SARNP: variants seen among roughly 807,000 people sequenced by gnomAD.
SARNP encodes the protein SAP domain containing ribonucleoprotein.
Under a neutral mutation model 38.1 loss-of-function variants are expected in SARNP, and 5 were observed. The ratio of observed to expected loss-of-function variants is 0.13; its 90% CI spans 0.07 to 0.28. SARNP has a LOEUF of 0.28. Ranked by LOEUF, SARNP falls within the 10% of genes least tolerant of loss-of-function variation. The probability of loss-of-function intolerance (pLI) is 1.00; values close to 1 mark genes in which losing one functional copy is unlikely to be tolerated. For synonymous variants in SARNP, 84 were observed against 80.6 expected, an observed-to-expected ratio of 1.04 and a Z score of -0.23; for missense variants, 180 against 243.9, an observed-to-expected ratio of 0.74 and a Z score of 1.75.
At chr12:55,790,843 T>C (rs1311469624) in intron 7 of SARNP, among the ~76,000 whole-genome samples, 2 of 152,208 alleles carry the variant, frequency 1.3e-5, no homozygotes, top group Non-Finnish European at 2.9e-5. Context: ...ATTCCACTGC[T>C]AGCTATACAG....
chr12:55,803,809 G>GA (rs1880056719), intron 1 of SARNP, 81 bp from the exon 2 acceptor site: 6 of 884,392 alleles, frequency 6.8e-6, no homozygotes, highest in Admixed American at 4.8e-5. Context: ...ACAAGGAAAA[G>GA]AAAAAAAGAA....
chr12:55,806,763 C>A (rs1880157418), intron 1 of SARNP, among the ~76,000 whole-genome samples: 1 of 152,162 alleles, frequency 6.6e-6, no homozygotes, highest in African/African-American at 2.4e-5. Context: ...TGGTCTCGAA[C>A]TCCTGACCTT....
At chr12:55,769,561 T>C (rs1383300431) in intron 9 of SARNP, among the ~76,000 whole-genome samples, 4 of 152,232 alleles carry the variant, frequency 2.6e-5, no homozygotes. Flanking sequence ...AGTGCAACTG[T>C]GCTTTCCCTT....
chr12:55,813,146 A>C (rs1880380006), intron 1 of SARNP, among the ~76,000 whole-genome samples: 2 of 152,136 alleles, frequency 1.3e-5, no homozygotes, highest in African/African-American at 4.8e-5. Flanking sequence ...GGGTTTCACC[A>C]TATTGGTCAG....
rs190737525 is a variant in SARNP, at chr12:55,808,904, C to T, written c.37-5176G>A. Among the ~76,000 whole-genome samples, 7 of 152,290 alleles carry T rather than the reference C, an allele frequency of 4.6e-5. No individual in the cohort carries two copies. The Middle Eastern group carries it at 0.01, about 222-fold the overall frequency. ...CTTAAAATAGGAACTAACATAAAAT[C>T]TTATCCCATTTTTCTAAATTGATTT... On this transcript the variant is annotated intron_variant, in intron 1 of 10. Transcript: ENST00000336133.
chr12:55,801,473 G>A (rs568434107), intron 2 of SARNP, among the ~76,000 whole-genome samples: 1 of 152,130 alleles, frequency 6.6e-6, no homozygotes, highest in East Asian at 1.9e-4. Flanking sequence ...ATGTGGAAAA[G>A]TATCTTTGAG....
chr12:55,807,425 CT>C (rs1880181750), intron 1 of SARNP, among the ~76,000 whole-genome samples: 1 of 151,944 alleles, frequency 6.6e-6, no homozygotes, highest in Non-Finnish European at 1.5e-5. Context: ...ATTCCAGCCC[CT>C]TGTGAGGCCA....
chr12:55,792,065 T>C (rs548118529), intron 7 of SARNP, among the ~76,000 whole-genome samples: 1 of 152,252 alleles, frequency 6.6e-6, no homozygotes, highest in South Asian at 2.1e-4. Context: ...AAGTCCAGCC[T>C]GGGCAATATA....
chr12:55,795,925 T>C, intron 5 of SARNP, 100 bp downstream of exon 5: 1 of 850,282 alleles, frequency 1.2e-6, no homozygotes, highest in Non-Finnish European at 1.9e-6. Flanking sequence ...ATACTGATTT[T>C]CTGCCTGTGA....
intron 9 of SARNP, among the ~76,000 whole-genome samples, chr12:55,762,217 G>T (rs1427913683): frequency 6.6e-6 from 1 of 152,138 alleles, no homozygotes; most frequent in East Asian, 1.9e-4. Flanking sequence ...AACCCAGGAG[G>T]CGGAGGTTAC....
intron 9 of SARNP, among the ~76,000 whole-genome samples, chr12:55,766,021 T>C (rs1195075421): frequency 6.6e-6 from 1 of 152,102 alleles, no homozygotes; most frequent in African/African-American, 2.4e-5. Flanking sequence ...CTGAGGGAAA[T>C]TACCTCGATC....
intron 1 of SARNP, among the ~76,000 whole-genome samples, chr12:55,809,952 T>C (rs1163358569): frequency 6.6e-6 from 1 of 152,144 alleles, no homozygotes; most frequent in Non-Finnish European, 1.5e-5. Context: ...ATATACTCTT[T>C]TGTGAACTTG....
intron 1 of SARNP, among the ~76,000 whole-genome samples, chr12:55,812,459 T>C (rs1443471278): frequency 6.6e-6 from 1 of 152,252 alleles, no homozygotes; most frequent in Non-Finnish European, 1.5e-5. Flanking sequence ...GCACCCACAG[T>C]AACTGGGACA....
intron 1 of SARNP, among the ~76,000 whole-genome samples, chr12:55,805,797 C>CA (rs1357477879): frequency 1.3e-5 from 2 of 152,000 alleles, no homozygotes; most frequent in African/African-American, 4.8e-5. Context: ...TGCAGTGAGC[C>CA]AAAATCGTGC....
chr12:55,777,381 A>AT lies in SARNP; in HGVS notation c.501+11693dup, dbSNP rs540892065. Reference sequence around the variant, plus strand: ...TTTAAAAACTTTTCCTTTTTTTTTTATTTTTTTTTTTGAGATGGAGTCTCG... The same window carrying AT: ...TTTAAAAACTTTTCCTTTTTTTTTTATTTTTTTTTTTTGAGATGGAGTCTCG... On this transcript the variant is annotated intron_variant, in intron 9 of 10. Transcript: ENST00000336133. 8.9e-3 allele frequency among the ~76,000 whole-genome samples: 1,281 copies of AT among 143,630 alleles called. 22 individuals carry two copies. The highest frequency in any genetic ancestry group is 0.025 in the African/African-American group (962 of 39,234). 94.2% of individuals were successfully genotyped at this position (143,630 alleles called of 152,430 possible).
intron 1 of SARNP, among the ~76,000 whole-genome samples, chr12:55,816,615 C>G (rs1159123514): frequency 1.3e-5 from 2 of 152,150 alleles, no homozygotes; most frequent in Non-Finnish European, 2.9e-5. Flanking sequence ...AAAAACTTTT[C>G]GAGCTTTAAA....
intron 9 of SARNP, among the ~76,000 whole-genome samples, chr12:55,788,433 T>C (rs1479942344): frequency 2.0e-5 from 3 of 152,190 alleles, no homozygotes; most frequent in African/African-American, 7.2e-5. Flanking sequence ...ATTATGCCTA[T>C]TATCAAAGTT....
intron 9 of SARNP, among the ~76,000 whole-genome samples, chr12:55,772,552 G>T (rs1879038094): frequency 6.6e-6 from 1 of 152,024 alleles, no homozygotes; most frequent in African/African-American, 2.4e-5. Flanking sequence ...AGCAAGGCAG[G>T]CAGAGGAAAT....
rs143968383 is a variant in SARNP at position 55,789,320 on chromosome 12, TG to T, written c.433-178del. Among the ~76,000 whole-genome samples, 1,336 of 152,296 alleles carry T rather than the reference TG, an allele frequency of 8.8e-3. 23 individuals are homozygous for T. The highest frequency in any genetic ancestry group is 0.03 in the African/African-American group (1,265 of 41,548). On this transcript the variant is annotated intron_variant, in intron 8 of 10. Transcript: ENST00000336133. ...CCAGTCCACTGATTATGGCCTCCTC[TG>T]GAATGCAGTGAAAGATTCAGCCCTG... is the stretch of plus-strand genomic sequence containing the variant.
Sources: gnomAD v4.1 joint callset for allele counts (sites outside exome capture counted in the v4.1 genomes callset) on GRCh38, gnomAD v4.1.1 for gene constraint, MANE v1.5 for transcripts, NCBI Gene and HGNC (gene_info 2026-07-23, HGNC 2026-07-21) for gene names.